CALCR: variants seen among roughly 807,000 people sequenced by gnomAD.
The protein encoded by CALCR is calcitonin receptor.
A neutral mutation model predicts 59.5 loss-of-function variants in CALCR; 47 were observed. The ratio of observed to expected loss-of-function variants is 0.79; its 90% CI spans 0.63 to 1.01. CALCR has a LOEUF of 1.01. Ranked by LOEUF, CALCR falls within the 50% of genes least tolerant of loss-of-function variation. The probability of loss-of-function intolerance (pLI) is 0.00; values close to 1 mark genes in which losing one functional copy is unlikely to be tolerated. For synonymous variants in CALCR, 213 were observed against 211.3 expected, an observed-to-expected ratio of 1.01 and a Z score of -0.07; for missense variants, 566 against 597.1, an observed-to-expected ratio of 0.95 and a Z score of 0.54.
intron 6 of CALCR, among the ~76,000 whole-genome samples, chr7:93,471,456 G>A (rs1030658252): frequency 2.6e-5 from 4 of 151,708 alleles, no homozygotes; most frequent in Non-Finnish European, 5.9e-5. Flanking sequence ...TGTTCATCTC[G>A]TTTGTTTTTG....
chr7:93,429,226 T>C (rs772165038), intron 13 of CALCR, among the ~76,000 whole-genome samples: 4 of 152,180 alleles, frequency 2.6e-5, no homozygotes, highest in Non-Finnish European at 5.9e-5. Context: ...AATTATAGAC[T>C]AATAAGGGCA....
intron 2 of CALCR, among the ~76,000 whole-genome samples, chr7:93,526,452 G>T (rs899217955): frequency 6.6e-6 from 1 of 151,102 alleles, no homozygotes; most frequent in African/African-American, 2.4e-5. Context: ...AAAGAAGGGG[G>T]AAAAAGGCAG....
At position 93,460,554 on chromosome 7, in the gene CALCR, T is replaced by TAAGA. The variant is rs1289021847; in HGVS notation, c.648+266_648+267insTCTT. ...CTGGGCAACAGAGTGAGACTCTATCTAAAAAAAAAAAAAAAAAAATATATA... is the reference window on the plus strand; with the variant it reads ...CTGGGCAACAGAGTGAGACTCTATCTAAGAAAAAAAAAAAAAAAAAAAATATATA... On this transcript the variant is annotated intron_variant, in intron 8 of 13. Coordinates refer to ENST00000426151, the MANE Select transcript of CALCR (RefSeq NM_001742.4). Among the ~76,000 whole-genome samples the TAAGA allele has an allele frequency of 1.0e-4, 8 of 79,302 alleles. 1 individual carries two copies. The South Asian group carries it at 3.5e-3, about 34-fold the overall frequency. The allele number at this position is 79,302 out of a possible 152,430, so 52.0% of individuals were successfully genotyped here. A position where few individuals can be genotyped will look rare whatever the true frequency, so the allele number is the denominator to read the frequency against.
intron 2 of CALCR, among the ~76,000 whole-genome samples, chr7:93,514,803 A>C (rs143243073): frequency 6.6e-6 from 1 of 152,182 alleles, no homozygotes; most frequent in African/African-American, 2.4e-5. Flanking sequence ...ATAATCCTAA[A>C]AGTTCTATTA....
At chr7:93,473,339 C>T (rs1800596177) in intron 5 of CALCR, among the ~76,000 whole-genome samples, 1 of 151,758 alleles carries the variant, frequency 6.6e-6, no homozygotes, top group Non-Finnish European at 1.5e-5. Flanking sequence ...AATTTCCCTT[C>T]CATAACTAGC....
At chr7:93,474,376 G>T (rs1225500016) in intron 5 of CALCR, among the ~76,000 whole-genome samples, 1 of 151,620 alleles carries the variant, frequency 6.6e-6, no homozygotes, top group Admixed American at 6.6e-5. Flanking sequence ...CCTCGCTTTT[G>T]TATTATAATA....
intron 9 of CALCR, among the ~76,000 whole-genome samples, chr7:93,438,813 G>GTA (rs1257888640): frequency 6.6e-6 from 1 of 151,834 alleles, no homozygotes; most frequent in African/African-American, 2.4e-5. Flanking sequence ...AGAGAAGCCA[G>GTA]TACATTCCCT....
chr7:93,428,368 G>C (rs879764170), intron 13 of CALCR, among the ~76,000 whole-genome samples: 1 of 152,248 alleles, frequency 6.6e-6, no homozygotes, highest in South Asian at 2.1e-4. Context: ...ACCAAGCAGA[G>C]CCTGGCTTTA....
At chr7:93,500,702 A>T (rs2115999139) in intron 2 of CALCR, among the ~76,000 whole-genome samples, 1 of 152,144 alleles carries the variant, frequency 6.6e-6, no homozygotes, top group East Asian at 1.9e-4. Context: ...ACTTGCTCTT[A>T]CGGAGTCTTT....
At chr7:93,532,211 A>G (rs1788858918) in intron 2 of CALCR, among the ~76,000 whole-genome samples, 1 of 152,102 alleles carries the variant, frequency 6.6e-6, no homozygotes, top group Non-Finnish European at 1.5e-5. Flanking sequence ...AGAGACTGCT[A>G]AAGATGATGA....
intron 2 of CALCR, among the ~76,000 whole-genome samples, chr7:93,508,138 A>C (rs1801467013): frequency 6.6e-6 from 1 of 152,224 alleles, no homozygotes; most frequent in African/African-American, 2.4e-5. Flanking sequence ...ATTCACACAT[A>C]TATTGCCATT....
intron 2 of CALCR, among the ~76,000 whole-genome samples, chr7:93,517,592 T>C (rs1437524489): frequency 6.6e-6 from 1 of 151,886 alleles, no homozygotes; most frequent in East Asian, 1.9e-4. Flanking sequence ...AGGTGAACTA[T>C]ATGGAAAGAA....
At position 93,560,228 on chromosome 7, in the gene CALCR, A is replaced by C. The variant is rs576747895; in HGVS notation, c.-27+14061T>G. Among the ~76,000 whole-genome samples the C allele has an allele frequency of 2.0e-5, 3 of 152,224 alleles. No individual in the cohort carries two copies. The East Asian group carries it at 5.8e-4, about 29-fold the overall frequency. ...CTCTTTATTCTTTAGAATTATGATGAAAATAAAGCTTTTTACTAAGGAATC... is the reference window on the plus strand; with the variant it reads ...CTCTTTATTCTTTAGAATTATGATGCAAATAAAGCTTTTTACTAAGGAATC... On this transcript the variant is annotated intron_variant, in intron 2 of 13. Transcript: ENST00000426151.
intron 2 of CALCR, among the ~76,000 whole-genome samples, chr7:93,494,509 T>A (rs1047413127): frequency 1.3e-5 from 2 of 151,460 alleles, no homozygotes; most frequent in African/African-American, 4.8e-5. Context: ...AACAATTTCT[T>A]TTGTTTTGCC....
intron 2 of CALCR, among the ~76,000 whole-genome samples, chr7:93,550,319 G>T (rs1448896436): frequency 2.0e-5 from 3 of 151,242 alleles, no homozygotes; most frequent in Non-Finnish European, 4.4e-5. Flanking sequence ...GTGAAATCCC[G>T]TCTCTGCTAA....
chr7:93,493,075 T>A (rs1009669012), intron 2 of CALCR, among the ~76,000 whole-genome samples: 1 of 151,360 alleles, frequency 6.6e-6, no homozygotes, highest in African/African-American at 2.4e-5. Flanking sequence ...TGTATTTTCA[T>A]CTACATAAAT....
At chr7:93,516,584 A>G (rs1293177539) in intron 2 of CALCR, among the ~76,000 whole-genome samples, 1 of 151,902 alleles carries the variant, frequency 6.6e-6, no homozygotes, top group African/African-American at 2.4e-5. Context: ...AGAATAAAAA[A>G]CAAACAAAAA....
intron 2 of CALCR, among the ~76,000 whole-genome samples, chr7:93,517,977 A>G (rs1801682667): frequency 6.6e-6 from 1 of 151,864 alleles, no homozygotes; most frequent in South Asian, 2.1e-4. Context: ...CAACTGCAGA[A>G]CCTTTGGGAA....
intron 2 of CALCR, among the ~76,000 whole-genome samples, chr7:93,543,463 A>T (rs1229583523): frequency 6.6e-6 from 1 of 152,124 alleles, no homozygotes; most frequent in African/African-American, 2.4e-5. Flanking sequence ...TTACACTTTT[A>T]TACAACTGGC....
Sources: allele counts gnomAD v4.1 joint callset (sites outside exome capture counted in the v4.1 genomes callset), GRCh38; gene constraint gnomAD v4.1.1; transcripts MANE v1.5; gene names NCBI Gene and HGNC (gene_info 2026-07-23, HGNC 2026-07-21).